ULK4: variants seen among roughly 807,000 people sequenced by gnomAD.
ULK4 encodes the protein inactive serine/threonine-protein kinase ULK4.
A neutral mutation model predicts 160.6 loss-of-function variants in ULK4; 133 were observed. The ratio of observed to expected loss-of-function variants is 0.83; its 90% confidence interval spans 0.72 to 0.96. The LOEUF (loss-of-function observed/expected upper bound fraction) is 0.96. Ranked by LOEUF, ULK4 falls within the 40% of genes least tolerant of loss-of-function variation. ULK4 has a pLI of 0.00. For synonymous variants in ULK4, 534 were observed against 539.8 expected (o/e 0.99, Z 0.15); for missense variants, 1,580 against 1,499.5 (o/e 1.05, Z -0.89).
intron 1 of ULK4, among the ~76,000 whole-genome samples, chr3:41,959,607 T>G (rs1465724825): frequency 6.6e-6 from 1 of 152,148 alleles, no homozygotes; most frequent in African/African-American, 2.4e-5. Flanking sequence ...CTAAGTCCTT[T>G]TTACATCCCT....
intron 16 of ULK4, among the ~76,000 whole-genome samples, chr3:41,895,276 A>T (rs1233376422): frequency 6.6e-6 from 1 of 152,162 alleles, no homozygotes; most frequent in Non-Finnish European, 1.5e-5. Flanking sequence ...AACAGTTAAT[A>T]AAGTTTCCAG....
At chr3:41,840,521 G>A (rs191620983) in intron 17 of ULK4, among the ~76,000 whole-genome samples, 17 of 152,352 alleles carry the variant, frequency 1.1e-4, no homozygotes, top group East Asian at 1.9e-4. Context: ...GATTGCAGGC[G>A]CGCGCCGCCA....
chr3:41,480,784 T>C (rs538188180), intron 32 of ULK4, among the ~76,000 whole-genome samples: 12 of 152,144 alleles, frequency 7.9e-5, no homozygotes, highest in Non-Finnish European at 1.6e-4. Context: ...AAATGTACAA[T>C]CATGGTGGAA....
intron 20 of ULK4, 100 bp downstream of exon 20, chr3:41,800,032 T>A: frequency 8.7e-7 from 1 of 1,153,228 alleles, no homozygotes; most frequent in South Asian, 2.3e-5. Context: ...GATTTCAGTT[T>A]CCTATCTATT....
intron 32 of ULK4, among the ~76,000 whole-genome samples, chr3:41,540,206 C>T (rs1419322724): frequency 1.3e-5 from 2 of 151,998 alleles, no homozygotes; most frequent in African/African-American, 4.8e-5. Context: ...CTCTCCCTCC[C>T]CTATTCCCCA....
chr3:41,507,709 G>A (rs76468809), intron 32 of ULK4, among the ~76,000 whole-genome samples: 2,681 of 150,576 alleles, frequency 0.018, 83 homozygotes, highest in African/African-American at 0.063. Context: ...AGTTGAAGCA[G>A]TAAATATTAA....
intron 29 of ULK4, among the ~76,000 whole-genome samples, chr3:41,676,737 T>C (rs556026215): frequency 6.6e-6 from 1 of 152,194 alleles, no homozygotes; most frequent in East Asian, 1.9e-4. Flanking sequence ...ATCAGGTAAG[T>C]AAATGGGCTG....
chr3:41,374,665 A>G (rs1325349560), intron 35 of ULK4, among the ~76,000 whole-genome samples: 4 of 152,192 alleles, frequency 2.6e-5, no homozygotes, highest in Admixed American at 6.5e-5. Flanking sequence ...TTTATGACAA[A>G]CCCACAGCCA....
intron 21 of ULK4, among the ~76,000 whole-genome samples, chr3:41,783,050 T>C (rs1489956879): frequency 2.0e-5 from 3 of 149,954 alleles, no homozygotes; most frequent in Non-Finnish European, 4.4e-5. Context: ...AAAAGACTAA[T>C]AGCATGACAG....
chr3:41,289,850 T>C (rs112029094), intron 35 of ULK4, among the ~76,000 whole-genome samples: 164 of 96,150 alleles, frequency 1.7e-3, no homozygotes, highest in Admixed American at 5.7e-3. Context: ...TATGTATGTA[T>C]GTATGTACGT....
At chr3:41,712,406 C>A (rs1006672520) in intron 25 of ULK4, among the ~76,000 whole-genome samples, 1 of 152,126 alleles carries the variant, frequency 6.6e-6, no homozygotes, top group Non-Finnish European at 1.5e-5. Context: ...TCAGGGGAAG[C>A]CAAGAAGTTC....
intron 30 of ULK4, among the ~76,000 whole-genome samples, chr3:41,662,550 GTGGCT>G (rs1310050355): frequency 2.0e-5 from 3 of 152,254 alleles, no homozygotes; most frequent in Admixed American, 2.0e-4. Context: ...AACAGTCACA[GTGGCT>G]CATAATAATG....
intron 19 of ULK4, among the ~76,000 whole-genome samples, chr3:41,816,554 C>T (rs887007556): frequency 9.9e-5 from 15 of 152,094 alleles, no homozygotes; most frequent in Admixed American, 2.6e-4. Flanking sequence ...CAGTGGCTGG[C>T]GCCTGTAATC....
intron 29 of ULK4, among the ~76,000 whole-genome samples, chr3:41,679,235 G>T (rs767579454): frequency 6.6e-6 from 1 of 151,976 alleles, no homozygotes; most frequent in Non-Finnish European, 1.5e-5. Flanking sequence ...TAACAGTCAC[G>T]GTGCTAAACA....
chr3:41,258,171 G>C (rs995130459), intron 35 of ULK4, among the ~76,000 whole-genome samples: 5 of 152,068 alleles, frequency 3.3e-5, no homozygotes, highest in South Asian at 4.1e-4. Flanking sequence ...TGGACTATGT[G>C]GCCTTTAACC....
intron 32 of ULK4, among the ~76,000 whole-genome samples, chr3:41,515,173 C>A (rs2085709954): frequency 6.6e-6 from 1 of 151,884 alleles, no homozygotes; most frequent in Admixed American, 6.6e-5. Flanking sequence ...AGAAGAATGG[C>A]TTGAACTCGG....
chr3:41,477,554 C>A (rs1440709633), intron 32 of ULK4, among the ~76,000 whole-genome samples: 1 of 152,150 alleles, frequency 6.6e-6, no homozygotes, highest in South Asian at 2.1e-4. Context: ...AGTATAAAAG[C>A]ATTTGTGAAA....
rs114642818 is a variant in ULK4, at chr3:41,563,926, G to A, written c.3226+2099C>T. Among the ~76,000 whole-genome samples the A allele has an allele frequency of 2.6e-3, 394 of 152,258 alleles. 1 individual carries two copies. Among genetic ancestry groups the A allele is most frequent in the African/African-American group, 8.6e-3 (357 of 41,540 alleles). On this transcript the variant is annotated intron_variant, in intron 32 of 36. Transcript: ENST00000301831. ...TGCTGGAGAGGAGTTGCGATCCTTT[G>A]GAGGAGAAAAGGTGCTATGGTTTTT...
At chr3:41,943,608 T>TTCCTC (rs774788798) in intron 2 of ULK4, among the ~76,000 whole-genome samples, 1 of 152,132 alleles carries the variant, frequency 6.6e-6, no homozygotes, top group Non-Finnish European at 1.5e-5. Context: ...CACCTCCTCT[T>TTCCTC]TCCTCTCCTC....
Sources: allele counts gnomAD v4.1 joint callset (sites outside exome capture counted in the v4.1 genomes callset), GRCh38; gene constraint gnomAD v4.1.1; transcripts MANE v1.5; gene names NCBI Gene and HGNC (gene_info 2026-07-23, HGNC 2026-07-21).